The following ANO3 variants were observed in gnomAD, a reference collection of about 807,000 sequenced individuals.
ANO3 encodes the protein anoctamin-3.
A neutral mutation model predicts 144.8 loss-of-function variants in ANO3; 99 were observed. The ratio of observed to expected loss-of-function variants is 0.68; its 90% CI spans 0.58 to 0.81. ANO3 has a LOEUF of 0.81. ANO3 is among the 30% of genes least tolerant of loss of function. ANO3 has a pLI of 0.00. For synonymous variants in ANO3, 414 were observed against 392.6 expected, an observed-to-expected ratio of 1.05 and a Z score of -0.64; for missense variants, 905 against 1,202.2, an observed-to-expected ratio of 0.75 and a Z score of 3.66.
chr11:26,359,613 T>A (rs1290548423), intron 1 of ANO3, among the ~76,000 whole-genome samples: 1 of 152,182 alleles, frequency 6.6e-6, no homozygotes, highest in Non-Finnish European at 1.5e-5. Context: ...TGCACCTTGG[T>A]CTCCTTAGAG....
chr11:26,646,242 A>G (rs1398510401), intron 23 of ANO3, among the ~76,000 whole-genome samples: 1 of 152,178 alleles, frequency 6.6e-6, no homozygotes, highest in African/African-American at 2.4e-5. Context: ...TTAATAGAAT[A>G]GTAATATTCA....
intron 1 of ANO3, among the ~76,000 whole-genome samples, chr11:26,381,832 C>G (rs1564993599): frequency 6.6e-6 from 1 of 152,088 alleles, no homozygotes; most frequent in Non-Finnish European, 1.5e-5. Flanking sequence ...CAATGATTGT[C>G]AGATGACTTC....
chr11:26,342,423 AC>A (rs902481678), intron 1 of ANO3, among the ~76,000 whole-genome samples: 4 of 152,094 alleles, frequency 2.6e-5, no homozygotes, highest in African/African-American at 9.7e-5. Flanking sequence ...AACTAGTTTG[AC>A]CGCTTTTTGT....
At chr11:26,597,143 C>A (rs74410984) in intron 14 of ANO3, among the ~76,000 whole-genome samples, 23,507 of 152,124 alleles carry the variant, frequency 0.15, 2,096 homozygotes, top group East Asian at 0.33. Context: ...GCCGTACGGG[C>A]CACCAAATGT....
chr11:26,370,417 G>A (rs936769273), intron 1 of ANO3, among the ~76,000 whole-genome samples: 5 of 152,144 alleles, frequency 3.3e-5, no homozygotes, highest in Non-Finnish European at 5.9e-5. Context: ...TCTCAGGTAT[G>A]TCTTCACCAG....
At chr11:26,303,573 C>T (rs1283135266) in intron 1 of ANO3, among the ~76,000 whole-genome samples, 1 of 152,154 alleles carries the variant, frequency 6.6e-6, no homozygotes, top group Non-Finnish European at 1.5e-5. Flanking sequence ...AACGCATGGA[C>T]TGAAAAACTG....
intron 17 of ANO3, among the ~76,000 whole-genome samples, chr11:26,608,044 G>A (rs571096472): frequency 5.3e-4 from 80 of 152,152 alleles, no homozygotes; most frequent in Non-Finnish European, 8.1e-4. Context: ...GCATTTTTTC[G>A]TTGATTCTTT....
At chr11:26,509,785 A>G (rs2134139834) in intron 5 of ANO3, among the ~76,000 whole-genome samples, 1 of 152,084 alleles carries the variant, frequency 6.6e-6, no homozygotes, top group East Asian at 1.9e-4. Context: ...ATCTCCTGGA[A>G]TTAGTTTTCT....
intron 4 of ANO3, among the ~76,000 whole-genome samples, chr11:26,506,914 AGTCTGAAATGCTTTT>A (rs1287357668): frequency 6.6e-6 from 1 of 152,204 alleles, no homozygotes; most frequent in Non-Finnish European, 1.5e-5. Context: ...CCTCCAAAGC[AGTCTGAAATGCTTTT>A]GTCTGAAATT....
chr11:26,447,206 CAAAAAAA>C (rs11464160), intron 3 of ANO3, among the ~76,000 whole-genome samples: 1 of 49,854 alleles, frequency 2.0e-5, no homozygotes, highest in African/African-American at 7.9e-5. Flanking sequence ...GACTCTGCCT[CAAAAAAA>C]AAAAAAAAAA....
chr11:26,375,215 T>C (rs1856373189), intron 1 of ANO3, among the ~76,000 whole-genome samples: 1 of 152,142 alleles, frequency 6.6e-6, no homozygotes, highest in Non-Finnish European at 1.5e-5. Flanking sequence ...ATCACTCACA[T>C]GTGCAGTTCA....
chr11:26,643,680 G>A (rs536538455), intron 23 of ANO3, among the ~76,000 whole-genome samples: 8 of 152,034 alleles, frequency 5.3e-5, no homozygotes, highest in Non-Finnish European at 1.0e-4. Flanking sequence ...GTTTGAACAC[G>A]GGAGGCAGAG....
At chr11:26,208,570 C>A (rs1851866532) in intron 1 of ANO3, among the ~76,000 whole-genome samples, 1 of 151,360 alleles carries the variant, frequency 6.6e-6, no homozygotes, top group Admixed American at 6.6e-5. Flanking sequence ...TAGCAAATAT[C>A]AAGGCTTTTG....
intron 8 of ANO3, among the ~76,000 whole-genome samples, chr11:26,531,839 A>C (rs1403348937): frequency 2.0e-5 from 3 of 152,170 alleles, no homozygotes; most frequent in African/African-American, 7.2e-5. Context: ...CTACCTACCT[A>C]CATACATACC....
At chr11:26,450,317 C>G (rs977508770) in intron 3 of ANO3, among the ~76,000 whole-genome samples, 1 of 152,152 alleles carries the variant, frequency 6.6e-6, no homozygotes. Flanking sequence ...AGCAGTGTAT[C>G]TGCAGGATTT....
At chr11:26,618,114 A>G (rs1327052697) in intron 17 of ANO3, among the ~76,000 whole-genome samples, 1 of 152,210 alleles carries the variant, frequency 6.6e-6, no homozygotes, top group East Asian at 1.9e-4. Flanking sequence ...TCTCCAAATG[A>G]GGGACTTAGA....
chr11:26,300,029 A>C (rs534464515), intron 1 of ANO3, among the ~76,000 whole-genome samples: 71 of 152,274 alleles, frequency 4.7e-4, no homozygotes, highest in Admixed American at 1.6e-3. Flanking sequence ...GTGGGAGAAT[A>C]GCTGGACCTG....
At chr11:26,509,917 C>T (rs1034260311) in intron 5 of ANO3, among the ~76,000 whole-genome samples, 1 of 151,756 alleles carries the variant, frequency 6.6e-6, no homozygotes, top group African/African-American at 2.4e-5. Flanking sequence ...GCCAAGGAGG[C>T]CGGATCATGA....
intron 1 of ANO3, among the ~76,000 whole-genome samples, chr11:26,245,018 T>TGTGTGTGTGTGTGTGTGTGTGCGCGC (rs151031559): frequency 6.9e-6 from 1 of 145,324 alleles, no homozygotes; most frequent in Non-Finnish European, 1.5e-5. Flanking sequence ...TGTGTGTGTG[T>TGTGTGTGTGTGTGTGTGTGTGCGCGC]GTGCATGCAT....
Sources: gnomAD v4.1 joint callset for allele counts (sites outside exome capture counted in the v4.1 genomes callset) on GRCh38, gnomAD v4.1.1 for gene constraint, MANE v1.5 for transcripts, NCBI Gene and HGNC (gene_info 2026-07-23, HGNC 2026-07-21) for gene names.